Variants in PCDHGA5 observed in about 807,000 individuals in gnomAD.
PCDHGA5 encodes the protein protocadherin gamma-A5.
Under a neutral mutation model 56.7 loss-of-function variants are expected in PCDHGA5, and 36 were observed. The ratio of observed to expected loss-of-function variants is 0.64; its 90% confidence interval spans 0.49 to 0.84. The LOEUF (loss-of-function observed/expected upper bound fraction) is 0.84, where lower values mean the gene tolerates loss of function less well. PCDHGA5 is among the 40% of genes least tolerant of loss of function. The pLI is 0.00. For missense variants in PCDHGA5, 1,305 were observed against 1,201.5 expected (o/e 1.09, Z -1.27); for synonymous variants, 563 against 520.2 (o/e 1.08, Z -1.12).
intron 1 of PCDHGA5, chr5:141,396,465 C>T (rs1471669939): frequency 6.6e-6 from 1 of 152,072 alleles, no homozygotes; most frequent in African/African-American, 2.4e-5. Flanking sequence ...CTAAAAACTA[C>T]AAAAATTAGC....
At chr5:141,375,609 C>T (rs755429700) in intron 1 of PCDHGA5, 8 of 1,614,226 alleles carry the variant, frequency 5.0e-6, no homozygotes, top group South Asian at 3.3e-5. Context: ...TCCATCAACT[C>T]CGACACTGGG....
intron 1 of PCDHGA5, among the ~76,000 whole-genome samples, chr5:141,447,285 A>G (rs143024915): frequency 0.046 from 7,013 of 152,060 alleles, 241 homozygotes; most frequent in African/African-American, 0.093. Context: ...GACTACAGGC[A>G]CATGCCACCA....
chr5:141,506,834 C>T (rs2099856597), intron 3 of PCDHGA5, among the ~76,000 whole-genome samples: 1 of 152,140 alleles, frequency 6.6e-6, no homozygotes, highest in Non-Finnish European at 1.5e-5. Flanking sequence ...ACTGATAGCC[C>T]TGCCCTCCAG....
intron 1 of PCDHGA5, among the ~76,000 whole-genome samples, chr5:141,458,065 G>A (rs55848374): frequency 0.098 from 14,910 of 152,232 alleles, 965 homozygotes; most frequent in Non-Finnish European, 0.14. Flanking sequence ...GCACTGATGC[G>A]AACAACTATA....
chr5:141,395,101 C>A (rs1197761808), intron 1 of PCDHGA5: 2 of 1,614,164 alleles, frequency 1.2e-6, no homozygotes, highest in East Asian at 4.5e-5. Context: ...ACCGCCGACT[C>A]GCGGAAGAGT....
chr5:141,485,106 T>C lies in PCDHGA5; in HGVS notation c.2422-9701T>C, dbSNP rs2099607051. The C allele has an allele frequency of 3.3e-6, 4 of 1,206,448 alleles. No homozygotes were observed. Among genetic ancestry groups the C allele is most frequent in the Non-Finnish European group, 4.8e-6 (4 of 828,284 alleles). 74.7% of individuals were successfully genotyped at this position (1,206,448 alleles called of 1,614,324 possible). ...GGGAGATAGGTGTCTCCAGCTGCTGTGGCTGTTTGGGGCGGGTCGGCTTCA... is the reference window on the plus strand; with the variant it reads ...GGGAGATAGGTGTCTCCAGCTGCTGCGGCTGTTTGGGGCGGGTCGGCTTCA... On this transcript the variant is annotated intron_variant, in intron 1 of 3. Coordinates refer to ENST00000518069, the MANE Select transcript of PCDHGA5 (RefSeq NM_018918.3). This position sits in a 1 kb window ranked among gnomAD's most constrained non-coding sequence, Gnocchi z 5.7.
At chr5:141,417,637 A>ATCCCTCAGCCTCTAGCCTGGGAT (rs2096141530) in intron 1 of PCDHGA5, 1 of 724,654 alleles carries the variant, frequency 1.4e-6, no homozygotes, top group Admixed American at 3.5e-5. Flanking sequence ...GACGCCGGGG[A>ATCCCTCAGCCTCTAGCCTGGGAT]TCCCTCAGCC....
In PCDHGA5 at chr5:141,490,052, A is replaced by G. The variant is rs774710472; in HGVS notation, c.2422-4755A>G. 11 of 1,614,098 alleles carry G rather than the reference A, an allele frequency of 6.8e-6. No homozygotes were observed. The highest frequency in any genetic ancestry group is 9.3e-6 in the Non-Finnish European group (11 of 1,180,014). On this transcript the variant is annotated intron_variant, in intron 1 of 3. Transcript: ENST00000518069. The surrounding 1 kb of genome is among the most constrained non-coding windows in gnomAD (Gnocchi z 5.4). ...CGCCTCAATGCCACTGATCCAGACG[A>G]GGGCACCAACGGCCAACTAGACTAT... is the stretch of plus-strand genomic sequence containing the variant.
chr5:141,421,537 T>C (rs11167744), intron 1 of PCDHGA5: 139,246 of 1,613,908 alleles, frequency 0.086, 6,702 homozygotes, highest in East Asian at 0.14. Context: ...GTCCTCCTGT[T>C]TTTTAAATAT....
At chr5:141,409,212 T>C (rs751644523) in intron 1 of PCDHGA5, 1 of 1,613,924 alleles carries the variant, frequency 6.2e-7, no homozygotes, top group Non-Finnish European at 8.5e-7. Context: ...ATCATAGAAA[T>C]CCTTGATGAA....
rs1561856520 is a variant in PCDHGA5 at position 141,431,983 on chromosome 5, A to C, written c.2422-62824A>C. 3.1e-6 allele frequency: 5 copies of C among 1,614,242 alleles called. No homozygotes were observed. Among genetic ancestry groups the C allele is most frequent in the Non-Finnish European group, 4.2e-6 (5 of 1,180,036 alleles). ...ATTACTATAGTTTAGTCACAGACAT[A>C]GTCTTGGATAGGGAACAGGTTCCTA... On this transcript the variant is annotated intron_variant, in intron 1 of 3. Coordinates refer to ENST00000518069, the MANE Select transcript of PCDHGA5 (RefSeq NM_018918.3). The surrounding 1 kb of genome is among the most constrained non-coding windows in gnomAD (Gnocchi z 4.8).
Position 141,491,536 on chromosome 5 carries a change from C to T in PCDHGA5, c.2422-3271C>T, listed in dbSNP as rs746800813. 1.2e-6 allele frequency: 2 copies of T among 1,614,006 alleles called. No individual in the cohort carries two copies. Among genetic ancestry groups the T allele is most frequent in the Admixed American group, 3.3e-5 (2 of 60,030 alleles). On this transcript the variant is annotated intron_variant, in intron 1 of 3. Coordinates refer to ENST00000518069, the MANE Select transcript of PCDHGA5 (RefSeq NM_018918.3). This position sits in a 1 kb window ranked among gnomAD's most constrained non-coding sequence, Gnocchi z 6.9. ...CAAGTACATGGAGGTGACGCTGCGG[C>T]CCACAGACTCGCAGAGCCACTGCTA...
chr5:141,390,239 C>T (rs769717528), intron 1 of PCDHGA5: 1 of 1,614,022 alleles, frequency 6.2e-7, no homozygotes, highest in Admixed American at 1.7e-5. Flanking sequence ...CATCTGGGGC[C>T]TTATTTCCAC....
At position 141,365,089 on chromosome 5, in the gene PCDHGA5, G is replaced by A; in HGVS notation, c.759G>A (p.Glu253=). 1.2e-6 allele frequency: 2 copies of A among 1,613,840 alleles called. No homozygotes were observed. The highest frequency in any genetic ancestry group is 2.2e-5 in the South Asian group (2 of 91,080). Reference sequence around the variant, plus strand: ...CCGAGTACAGCGTGAGTGTTCCAGAGAACATACCTGTGGGCACTCGGCTGC... The same window carrying A: ...CCGAGTACAGCGTGAGTGTTCCAGAAAACATACCTGTGGGCACTCGGCTGC... ...TPSEYSVSVP[E]NIPVGTRLLM... is the part of the protein sequence containing the mutation. The change falls in exon 1 of 4, where the codon GAG becomes GAA. Residue 253 remains glutamate, a synonymous_variant. Transcript: ENST00000518069.
At chr5:141,381,977 G>T (rs61025717) in intron 1 of PCDHGA5, among the ~76,000 whole-genome samples, 22 of 151,370 alleles carry the variant, frequency 1.5e-4, no homozygotes, top group African/African-American at 5.3e-4. Context: ...TTACAGGCGC[G>T]CGCCACCACG....
chr5:141,374,504 A>G (rs370470847), intron 1 of PCDHGA5: 1 of 1,611,510 alleles, frequency 6.2e-7, no homozygotes, highest in African/African-American at 1.3e-5. Context: ...ATTGGAAGTG[A>G]AAATTCTCGA....
chr5:141,442,485 G>A (rs1000683527), intron 1 of PCDHGA5: 2 of 152,248 alleles, frequency 1.3e-5, no homozygotes, highest in Non-Finnish European at 2.9e-5. Flanking sequence ...TGGGGAAGGG[G>A]ATGATTGTGA....
chr5:141,365,083 T>G lies in PCDHGA5; in HGVS notation c.753T>G (p.Val251=), dbSNP rs1763725289. The change falls in exon 1 of 4, where the codon GTT becomes GTG. Residue 251 remains valine (V), a synonymous_variant. Transcript: ENST00000518069. The part of the protein sequence containing the change: ...LFTPSEYSVS[V]PENIPVGTRL... The stretch of plus-strand genomic sequence containing the variant: ...CCCCATCCGAGTACAGCGTGAGTGT[T>G]CCAGAGAACATACCTGTGGGCACTC... 6.2e-7 allele frequency: 1 copy of G among 1,613,804 alleles called. No homozygotes were observed. Among genetic ancestry groups the G allele is most frequent in the Non-Finnish European group, 8.5e-7 (1 of 1,179,872 alleles).
intron 1 of PCDHGA5, chr5:141,385,340 C>A: frequency 6.4e-7 from 1 of 1,570,860 alleles, no homozygotes; most frequent in Non-Finnish European, 8.6e-7. Flanking sequence ...CCAGCCCTTC[C>A]TTTATTTCCA....
Sources: allele counts gnomAD v4.1 joint callset (sites outside exome capture counted in the v4.1 genomes callset), GRCh38; gene constraint gnomAD v4.1.1; non-coding constraint Gnocchi (gnomAD v3.1); transcripts MANE v1.5; gene names NCBI Gene and HGNC (gene_info 2026-07-23, HGNC 2026-07-21).